The following TBC1D14 variants were observed in gnomAD, a reference collection of about 807,000 sequenced individuals.
The protein encoded by TBC1D14 is TBC1 domain family, member 14.
TBC1D14 carries 26 observed loss-of-function variants against 79.0 expected under a neutral mutation model. That is an observed-to-expected ratio of 0.33 (90% CI 0.24 to 0.46). The LOEUF is 0.46. TBC1D14 is among the 20% of genes least tolerant of loss of function. The pLI is 1.00. For missense variants in TBC1D14, 769 were observed against 887.6 expected (o/e 0.87, Z 1.70); for synonymous variants, 394 against 349.9 (o/e 1.13, Z -1.40).
intron 3 of TBC1D14, among the ~76,000 whole-genome samples, chr4:6,971,856 G>A (rs906333214): frequency 4.6e-5 from 7 of 152,238 alleles, no homozygotes; most frequent in African/African-American, 1.4e-4. Flanking sequence ...GTTAGCTATT[G>A]GAAGGAAAAT....
intron 2 of TBC1D14, among the ~76,000 whole-genome samples, chr4:6,946,647 A>C (rs2108991119): frequency 6.6e-6 from 1 of 152,316 alleles, no homozygotes; most frequent in East Asian, 1.9e-4. Flanking sequence ...TAATAAGCAG[A>C]GTTAACAGAC....
intron 13 of TBC1D14, among the ~76,000 whole-genome samples, chr4:7,027,458 A>G (rs1274211778): frequency 1.6e-5 from 2 of 128,366 alleles, no homozygotes; most frequent in African/African-American, 3.0e-5. Flanking sequence ...ACACGCACAG[A>G]TCACCCCCAC....
At chr4:6,915,501 G>A (rs541209309) in intron 1 of TBC1D14, among the ~76,000 whole-genome samples, 3 of 152,272 alleles carry the variant, frequency 2.0e-5, no homozygotes, top group Admixed American at 2.0e-4. Context: ...TTACTGAGGG[G>A]CCTTGGAGTC....
At chr4:6,995,418 G>A (rs939453357) in intron 4 of TBC1D14, 7 of 152,256 alleles carry the variant, frequency 4.6e-5, no homozygotes, top group African/African-American at 1.7e-4. Flanking sequence ...TTTGGAGTGT[G>A]GGGTGAAAAT....
At chr4:7,014,065 C>T (rs957917062) in intron 11 of TBC1D14, among the ~76,000 whole-genome samples, 3 of 152,208 alleles carry the variant, frequency 2.0e-5, no homozygotes, top group South Asian at 2.1e-4. Flanking sequence ...TACTTTTACA[C>T]GTTCATATAT....
At chr4:6,957,099 C>T (rs1219413621) in intron 2 of TBC1D14, among the ~76,000 whole-genome samples, 1 of 152,206 alleles carries the variant, frequency 6.6e-6, no homozygotes, top group Non-Finnish European at 1.5e-5. Flanking sequence ...AGGGTGGCGC[C>T]GGCCAGCTGT....
intron 2 of TBC1D14, among the ~76,000 whole-genome samples, chr4:6,925,224 G>A (rs970173628): frequency 2.0e-5 from 3 of 152,164 alleles, no homozygotes; most frequent in South Asian, 2.1e-4. Flanking sequence ...CCGAGATCGC[G>A]CCACCGCACT....
At chr4:7,002,215 C>T (rs1294354322) in intron 7 of TBC1D14, among the ~76,000 whole-genome samples, 4 of 152,176 alleles carry the variant, frequency 2.6e-5, no homozygotes. Flanking sequence ...CCCGGAACTC[C>T]CTCTTGGCTA....
chr4:7,006,659 A>T lies in TBC1D14; in HGVS notation c.1379A>T (p.Glu460Val). 6.2e-7 allele frequency: 1 copy of T among 1,614,030 alleles called. No homozygotes were observed. The highest frequency in any genetic ancestry group is 1.1e-5 in the South Asian group (1 of 91,014). Residue 460 changes from glutamate to valine, a missense_variant, in exon 9 of 14, where the codon GAA becomes GTA. Physicochemically the swap from Glu to Val is moderately radical, Grantham distance 121. This residue lies in a region of TBC1D14 where 367 missense variants were observed against 494.4 expected (regional missense o/e 0.74). Transcript: ENST00000409757. ...EDAGFSAADR[E>V]ASLELIKLDI... ...GCTGGTTTTTCAGCAGCAGACAGAG[A>T]AGCCAGTCTGGAGCTTATTAAACTG...
In TBC1D14 at chr4:6,994,490, A is replaced by G. The variant is rs563624927; in HGVS notation, c.962+188A>G. 3.9e-5 allele frequency among the ~76,000 whole-genome samples: 6 copies of G among 152,374 alleles called. No individual in the cohort carries two copies. The South Asian group carries it at 6.2e-4, about 16-fold the overall frequency. ...AATGACCAATTTGGAAAACTGTCCT[A>G]TAGCATAGAAGTTTTGACCAGGATT... On this transcript the variant is annotated intron_variant, in intron 4 of 13. Coordinates refer to ENST00000409757, the MANE Select transcript of TBC1D14 (RefSeq NM_020773.3).
rs148661195 is a variant in TBC1D14 at position 6,979,283 on chromosome 4, C to T, written c.843+11859C>T. On this transcript the variant is annotated intron_variant, in intron 3 of 13. Transcript: ENST00000409757. The stretch of plus-strand genomic sequence containing the variant: ...CTACATTAAATGTAAATGATCTGAA[C>T]ACAGCAGTTGTGTGTCTCAATACTC... Among the ~76,000 whole-genome samples the T allele has an allele frequency of 1.1e-3, 160 of 152,260 alleles. 1 individual carries two copies. The highest frequency in any genetic ancestry group is 3.7e-3 in the African/African-American group (155 of 41,526).
intron 3 of TBC1D14, among the ~76,000 whole-genome samples, chr4:6,977,818 T>C (rs1447727103): frequency 6.3e-5 from 6 of 95,530 alleles, no homozygotes; most frequent in African/African-American, 1.2e-4. Flanking sequence ...CAGGCCGCCA[T>C]CCCATCTAGG....
chr4:6,962,303 A>G (rs1010764017), intron 2 of TBC1D14, among the ~76,000 whole-genome samples: 2 of 152,136 alleles, frequency 1.3e-5, no homozygotes, highest in African/African-American at 2.4e-5. Flanking sequence ...CTGGGCTCTC[A>G]GGGAACCCCG....
At chr4:6,913,293 C>G (rs1723145765) in intron 1 of TBC1D14, among the ~76,000 whole-genome samples, 1 of 152,168 alleles carries the variant, frequency 6.6e-6, no homozygotes. Flanking sequence ...CCACGCCTGG[C>G]CTATTTTATT....
intron 5 of TBC1D14, chr4:6,998,771 T>G (rs971421744): frequency 4.1e-6 from 1 of 241,040 alleles, no homozygotes; most frequent in African/African-American, 2.3e-5. Context: ...ACTCCTGACC[T>G]CAGGTGATCC....
intron 6 of TBC1D14, 75 bp downstream of exon 6, chr4:6,999,277 T>A: frequency 7.5e-7 from 1 of 1,336,280 alleles, no homozygotes; most frequent in Non-Finnish European, 1.1e-6. Flanking sequence ...GCTGTAGTCG[T>A]CATAGCCAGC....
intron 2 of TBC1D14, among the ~76,000 whole-genome samples, chr4:6,944,645 T>C (rs1399015954): frequency 1.3e-5 from 2 of 152,244 alleles, no homozygotes; most frequent in Non-Finnish European, 2.9e-5. Context: ...GAATTCACCA[T>C]GGCTCTGGCC....
At chr4:6,931,361 T>C (rs1233187025) in intron 2 of TBC1D14, among the ~76,000 whole-genome samples, 1 of 152,244 alleles carries the variant, frequency 6.6e-6, no homozygotes, top group Non-Finnish European at 1.5e-5. Flanking sequence ...AGCTGGGTTC[T>C]TACCAAGCAT....
chr4:7,022,007 G>A (rs1386819909), intron 12 of TBC1D14, among the ~76,000 whole-genome samples: 2 of 152,256 alleles, frequency 1.3e-5, no homozygotes, highest in African/African-American at 4.8e-5. Context: ...TCCCCCTTCA[G>A]TGGCCTGTTC....
Sources: allele counts gnomAD v4.1 joint callset (sites outside exome capture counted in the v4.1 genomes callset), GRCh38; gene constraint gnomAD v4.1.1; regional missense constraint gnomAD v4.1.1; transcripts MANE v1.5; gene names NCBI Gene and HGNC (gene_info 2026-07-23, HGNC 2026-07-21).